The following IPO5 variants were observed in gnomAD, a reference collection of about 807,000 sequenced individuals.
The protein encoded by IPO5 is importin-5.
A neutral mutation model predicts 143.3 loss-of-function variants in IPO5; 18 were observed. That is an observed-to-expected ratio of 0.13 (90% CI 0.09 to 0.19). The LOEUF (loss-of-function observed/expected upper bound fraction) is 0.19, where lower values mean the gene tolerates loss of function less well. Ranked by LOEUF, IPO5 falls within the 10% of genes least tolerant of loss-of-function variation. The probability of loss-of-function intolerance (pLI) is 1.00; values close to 1 mark genes in which losing one functional copy is unlikely to be tolerated. For missense variants in IPO5, 1,013 were observed against 1,336.9 expected (o/e 0.76, Z 3.78); for synonymous variants, 477 against 465.7 (o/e 1.02, Z -0.31).
At chr13:98,011,414 C>G (rs1171938944) in intron 20 of IPO5, among the ~76,000 whole-genome samples, 1 of 152,134 alleles carries the variant, frequency 6.6e-6, no homozygotes, top group Non-Finnish European at 1.5e-5. Context: ...CCTTAACCTC[C>G]CGAGTAGCTA....
At chr13:98,017,942 C>T (rs998461067) in intron 25 of IPO5, among the ~76,000 whole-genome samples, 2 of 152,180 alleles carry the variant, frequency 1.3e-5, no homozygotes, top group Non-Finnish European at 2.9e-5. Flanking sequence ...GCTGGGATTA[C>T]AGGCGTGAGC....
At chr13:97,971,570 G>A (rs1301651472) in intron 3 of IPO5, among the ~76,000 whole-genome samples, 1 of 152,116 alleles carries the variant, frequency 6.6e-6, no homozygotes, top group East Asian at 1.9e-4. Context: ...ACAATTGGGA[G>A]ACTAATAGAA....
In IPO5 at chr13:98,021,293, A is replaced by G. The variant is rs1034172942; in HGVS notation, c.3207+160A>G. 4 of 565,560 alleles carry G rather than the reference A, an allele frequency of 7.1e-6. No homozygotes were observed. The African/African-American group carries it at 7.9e-5, about 11-fold the overall frequency. The allele number at this position is 565,560 out of a possible 1,614,324, so 35.0% of individuals were successfully genotyped here. On this transcript the variant is annotated intron_variant, in intron 28 of 28. Coordinates refer to ENST00000651721, the MANE Select transcript of IPO5 (RefSeq NM_002271.6). Reference sequence around the variant, plus strand: ...CCTCAAATGGATTATACTTAATGTAATCCATCCGTATGTACTTATTATTTA... The same window carrying G: ...CCTCAAATGGATTATACTTAATGTAGTCCATCCGTATGTACTTATTATTTA...
chr13:97,971,544 C>T (rs1217420915), intron 3 of IPO5, among the ~76,000 whole-genome samples: 2 of 152,190 alleles, frequency 1.3e-5, no homozygotes, highest in Non-Finnish European at 2.9e-5. Flanking sequence ...CCATTCCATA[C>T]ACTATTTCAC....
chr13:98,013,984 C>A (rs1889916300), intron 21 of IPO5, 58 bp from the exon 22 acceptor site: 12 of 1,492,982 alleles, frequency 8.0e-6, no homozygotes, highest in Non-Finnish European at 1.1e-5. Flanking sequence ...GTGCATTGAA[C>A]CCTTTAACAT....
intron 16 of IPO5, among the ~76,000 whole-genome samples, chr13:98,004,439 ATTGG>A: frequency 6.6e-6 from 1 of 152,274 alleles, no homozygotes; most frequent in South Asian, 2.1e-4. Flanking sequence ...TTGAAGGCAG[ATTGG>A]TTGGTTGGTT....
intron 26 of IPO5, 78 bp from the exon 27 acceptor site, chr13:98,019,503 C>G: frequency 1.0e-6 from 1 of 981,806 alleles, no homozygotes. Context: ...AATATCTGAA[C>G]CAAATACAAA....
chr13:98,005,365 T>TTTTATTTA (rs57168569), intron 16 of IPO5, among the ~76,000 whole-genome samples: 367 of 142,164 alleles, frequency 2.6e-3, no homozygotes, highest in Non-Finnish European at 3.8e-3. Flanking sequence ...CCTGGCTAAT[T>TTTTATTTA]TTTATTTATT....
At chr13:98,014,290 A>AG in intron 22 of IPO5, 76 bp downstream of exon 22, 1 of 1,186,750 alleles carries the variant, frequency 8.4e-7, no homozygotes, top group East Asian at 2.5e-5. Flanking sequence ...TAAAAAAAAA[A>AG]AATTTGAGAC....
intron 22 of IPO5, 106 bp from the exon 23 acceptor site, chr13:98,015,424 G>T (rs1890060235): frequency 1.5e-6 from 1 of 663,680 alleles, no homozygotes. Context: ...AATCTTCCAG[G>T]ATACTGAACT....
chr13:97,998,644 A>G (rs1888501339), intron 12 of IPO5, among the ~76,000 whole-genome samples: 1 of 152,180 alleles, frequency 6.6e-6, no homozygotes. Flanking sequence ...GGCCCCTTAC[A>G]TGTATGTGAA....
intron 25 of IPO5, among the ~76,000 whole-genome samples, chr13:98,018,165 AT>A (rs1222062021): frequency 2.0e-5 from 3 of 152,138 alleles, no homozygotes; most frequent in Middle Eastern, 3.4e-3. Context: ...TTATTATTGT[AT>A]TTTTTTAATG....
intron 2 of IPO5, among the ~76,000 whole-genome samples, chr13:97,963,979 G>T (rs546417617): frequency 6.6e-6 from 1 of 152,108 alleles, no homozygotes; most frequent in East Asian, 1.9e-4. Context: ...ATGTTTGTTG[G>T]CAACATAAAT....
chr13:97,979,687 A>T (rs534016401), intron 4 of IPO5, among the ~76,000 whole-genome samples: 2 of 152,294 alleles, frequency 1.3e-5, no homozygotes, highest in African/African-American at 4.8e-5. Flanking sequence ...ATTGACTCTA[A>T]TAGAGAATTT....
At chr13:98,016,933 A>T in intron 25 of IPO5, 82 bp downstream of exon 25, 1 of 1,038,346 alleles carries the variant, frequency 9.6e-7, no homozygotes, top group East Asian at 2.9e-5. Flanking sequence ...TAATGCTTGA[A>T]GTTAAAATGG....
At chr13:97,968,511 C>T (rs977436046) in intron 2 of IPO5, among the ~76,000 whole-genome samples, 12 of 152,170 alleles carry the variant, frequency 7.9e-5, no homozygotes, top group African/African-American at 2.2e-4. Context: ...TTATCTATTT[C>T]TCCCTTAATT....
At position 97,990,534 on chromosome 13, in the gene IPO5, A is replaced by C. The variant is rs771968351; in HGVS notation, c.666A>C (p.Leu222=). The C allele has an allele frequency of 6.5e-7, 1 of 1,539,780 alleles. No homozygotes were observed. Among genetic ancestry groups the C allele is most frequent in the Admixed American group, 1.9e-5 (1 of 51,810 alleles). ...KHFADLLPGF[L]QAVNDSCYQN... is the part of the protein sequence containing the mutation. ...TTGCAGACTTGCTACCGGGATTCCT[A>C]CAGGTATGAAAGCAATATAGAATAA... The change falls in exon 9 of 29, where the codon CTA becomes CTC. Residue 222 remains leucine, a synonymous_variant. Coordinates refer to ENST00000651721, the MANE Select transcript of IPO5 (RefSeq NM_002271.6).
At chr13:97,982,120 G>A (rs372579211) in intron 4 of IPO5, 1 of 174,032 alleles carries the variant, frequency 5.7e-6, no homozygotes, top group Admixed American at 6.1e-5. Context: ...GTCTAAAAAT[G>A]TTAACGAAAC....
At chr13:97,988,804 C>T (rs544137146) in intron 6 of IPO5, among the ~76,000 whole-genome samples, 51 of 151,940 alleles carry the variant, frequency 3.4e-4, no homozygotes, top group African/African-American at 1.2e-3. Context: ...AGAAGAACCT[C>T]TGTTAATATC....
Sources: gnomAD v4.1 joint callset for allele counts (sites outside exome capture counted in the v4.1 genomes callset) on GRCh38, gnomAD v4.1.1 for gene constraint, MANE v1.5 for transcripts, NCBI Gene and HGNC (gene_info 2026-07-23, HGNC 2026-07-21) for gene names.